Variants in COX6B1 observed in about 807,000 individuals in gnomAD.
COX6B1 encodes cytochrome c oxidase subunit 6B1, also known as COX VIb-1.
Under a neutral mutation model 14.0 loss-of-function variants are expected in COX6B1, and 2 were observed. The observed-to-expected ratio is 0.14, with a 90% CI of 0.06 to 0.45. COX6B1 has a LOEUF of 0.45. COX6B1 is among the 20% of genes least tolerant of loss of function. The pLI, the probability that COX6B1 is intolerant of heterozygous loss-of-function variation, is 0.98. For synonymous variants in COX6B1, 30 were observed against 39.7 expected (o/e 0.76, Z 0.92); for missense variants, 81 against 114.2 (o/e 0.71, Z 1.33).
chr19:35,655,755 GTCTCTCTCTC>G (rs3038413), intron 3 of COX6B1, among the ~76,000 whole-genome samples: 15,332 of 146,010 alleles, frequency 0.11, 844 homozygotes, highest in East Asian at 0.13. Context: ...CACTGTGCCT[GTCTCTCTCTC>G]TCTCTCTCTC....
At chr19:35,650,900 G>A (rs888941378) in intron 1 of COX6B1, among the ~76,000 whole-genome samples, 1 of 152,118 alleles carries the variant, frequency 6.6e-6, no homozygotes, top group Non-Finnish European at 1.5e-5. Flanking sequence ...CTGGGCAATG[G>A]TGATAGTAAT....
At chr19:35,648,523 C>CGG (rs1362445200) in intron 1 of COX6B1, 120 bp downstream of exon 1, 1 of 233,136 alleles carries the variant, frequency 4.3e-6, no homozygotes, top group Non-Finnish European at 8.8e-6. Context: ...CCCTGGACCC[C>CGG]GGGGCCCTGT....
intron 1 of COX6B1, among the ~76,000 whole-genome samples, chr19:35,649,425 C>T (rs979908873): frequency 1.3e-5 from 2 of 151,784 alleles, no homozygotes; most frequent in Admixed American, 1.3e-4. Context: ...TGCAAGCGAT[C>T]CTGCCTCAGT....
chr19:35,653,304 G>A (rs957650514), intron 2 of COX6B1, among the ~76,000 whole-genome samples: 4 of 147,964 alleles, frequency 2.7e-5, no homozygotes, highest in African/African-American at 7.5e-5. Context: ...ACAGAGTCTC[G>A]CTCTGTTGCC....
chr19:35,658,431 C>A (rs939763796), intron 3 of COX6B1, among the ~76,000 whole-genome samples, 163 bp from the exon 4 acceptor site: 1 of 152,112 alleles, frequency 6.6e-6, no homozygotes, highest in African/African-American at 2.4e-5. Context: ...TGATTTCTGT[C>A]TTTTGGGGTC....
chr19:35,651,120 T>A, intron 1 of COX6B1, 113 bp from the exon 2 acceptor site: 1 of 733,186 alleles, frequency 1.4e-6, no homozygotes, highest in Non-Finnish European at 2.5e-6. Context: ...AGGCAGGAAC[T>A]TGTTCACACC....
intron 2 of COX6B1, among the ~76,000 whole-genome samples, chr19:35,653,072 A>G (rs1193396435): frequency 6.7e-6 from 1 of 149,246 alleles, no homozygotes; most frequent in East Asian, 2.0e-4. Context: ...AGCTTCAAGC[A>G]CTTCTCTGCC....
rs755574902 is a variant in COX6B1 at position 35,658,585 on chromosome 19, T to C, written c.208-9T>C. 6.2e-7 allele frequency: 1 copy of C among 1,613,338 alleles called. No homozygotes were observed. Among genetic ancestry groups the C allele is most frequent in the Non-Finnish European group, 8.5e-7 (1 of 1,179,314 alleles). On this transcript the variant is annotated splice_polypyrimidine_tract_variant and intron_variant, in intron 3 of 3. Coordinates refer to ENST00000649813, the MANE Select transcript of COX6B1 (RefSeq NM_001863.5). The stretch of plus-strand genomic sequence containing the variant: ...CCACTGCGGAGGGAATAACACTGTC[T>C]TTCCACAGGTCACAGACTGGGATGA...
Position 35,655,365 on chromosome 19 carries a change from T to C in COX6B1, c.207+694T>C, listed in dbSNP as rs189847847. On this transcript the variant is annotated intron_variant, in intron 3 of 3. Coordinates refer to ENST00000649813, the MANE Select transcript of COX6B1 (RefSeq NM_001863.5). ...TTTTCAAAGCAGAGATAATAATTCA[T>C]TGACCTCAAATACATCCATCACCCA... 3.3e-5 allele frequency among the ~76,000 whole-genome samples: 5 copies of C among 152,284 alleles called. No individual in the cohort carries two copies. The East Asian group carries it at 9.6e-4, about 29-fold the overall frequency.
At chr19:35,651,196 TG>T in intron 1 of COX6B1, 36 bp from the exon 2 acceptor site, 2 of 1,435,114 alleles carry the variant, frequency 1.4e-6, no homozygotes, top group African/African-American at 1.4e-5. Flanking sequence ...TCAGGGCCCC[TG>T]GGGCCCCTGC....
At chr19:35,652,348 T>C (rs1486694475) in intron 2 of COX6B1, among the ~76,000 whole-genome samples, 1 of 151,612 alleles carries the variant, frequency 6.6e-6, no homozygotes, top group Non-Finnish European at 1.5e-5. Flanking sequence ...CTTCTTTATG[T>C]CCTGTCTGGA....
At position 35,658,607 on chromosome 19, in the gene COX6B1, A is replaced by G. The variant is rs1967912735; in HGVS notation, c.221A>G (p.Asp74Gly). 6.2e-7 allele frequency: 1 copy of G among 1,613,952 alleles called. No individual in the cohort carries two copies. The highest frequency in any genetic ancestry group is 1.3e-5 in the African/African-American group (1 of 74,928). ...GTCTTTCCACAGGTCACAGACTGGG[A>G]TGAGCAACGGGCTGAAGGCACGTTT... ...LCPTSWVTDWDEQRAEGTFPG... is the reference protein window; with the variant it reads ...LCPTSWVTDWGEQRAEGTFPG... Residue 74 changes from aspartate to glycine, a missense_variant, in exon 4 of 4, where the codon GAT becomes GGT. By Grantham distance (94) the Asp-to-Gly change is moderately conservative. Coordinates refer to ENST00000649813, the MANE Select transcript of COX6B1 (RefSeq NM_001863.5).
chr19:35,658,079 A>T (rs1041703817), intron 3 of COX6B1, among the ~76,000 whole-genome samples: 3 of 152,140 alleles, frequency 2.0e-5, no homozygotes, highest in African/African-American at 7.2e-5. Context: ...GGTGCGAGTC[A>T]CCACACCCAG....
At chr19:35,653,365 C>A (rs142148914) in intron 2 of COX6B1, among the ~76,000 whole-genome samples, 1 of 149,236 alleles carries the variant, frequency 6.7e-6, no homozygotes, top group Non-Finnish European at 1.5e-5. Flanking sequence ...CTCCGCCTCC[C>A]GGGTTTAAGC....
intron 3 of COX6B1, among the ~76,000 whole-genome samples, chr19:35,655,763 C>G (rs1408333840): frequency 1.7e-5 from 2 of 116,534 alleles, no homozygotes; most frequent in Non-Finnish European, 3.7e-5. Context: ...CTGTCTCTCT[C>G]TCTCTCTCTC....
At position 35,654,642 on chromosome 19, in the gene COX6B1, G is replaced by C. The variant is rs763828593; in HGVS notation, c.178G>C (p.Val60Leu). ...CTCTGTGTGCGAATGGTACCAGCGT[G>C]TGTACCAGTCCCTCTGCCCCACATC... Reference protein sequence around the residue: ...DISVCEWYQRVYQSLCPTSWV... With the variant: ...DISVCEWYQRLYQSLCPTSWV... Residue 60 changes from valine (V) to leucine (L), a missense_variant, in exon 3 of 4, where the codon GTG becomes CTG. By Grantham distance (32) the Val-to-Leu change is conservative. Transcript: ENST00000649813. 5 of 1,614,194 alleles carry C rather than the reference G, an allele frequency of 3.1e-6. No homozygotes were observed. Among genetic ancestry groups the C allele is most frequent in the Non-Finnish European group, 2.5e-6 (3 of 1,180,018 alleles).
At chr19:35,656,587 T>G (rs1599623534) in intron 3 of COX6B1, among the ~76,000 whole-genome samples, 1 of 151,194 alleles carries the variant, frequency 6.6e-6, no homozygotes, top group Non-Finnish European at 1.5e-5. Context: ...TTCAGGCGAT[T>G]CCCCTGCCTC....
intron 3 of COX6B1, among the ~76,000 whole-genome samples, chr19:35,656,420 T>C (rs1001403092): frequency 6.6e-6 from 1 of 151,806 alleles, no homozygotes. Context: ...GGTATGTGTA[T>C]GTAAATAAAG....
At chr19:35,657,294 T>C (rs1967897624) in intron 3 of COX6B1, among the ~76,000 whole-genome samples, 1 of 151,960 alleles carries the variant, frequency 6.6e-6, no homozygotes, top group African/African-American at 2.4e-5. Context: ...ATCCCTCACA[T>C]GCGCAGTTCA....
Sources: gnomAD v4.1 joint callset for allele counts (sites outside exome capture counted in the v4.1 genomes callset) on GRCh38, gnomAD v4.1.1 for gene constraint, MANE v1.5 for transcripts, NCBI Gene and HGNC (gene_info 2026-07-23, HGNC 2026-07-21) for gene names.